The following TRIM47 variants were observed in gnomAD, a reference collection of about 807,000 sequenced individuals.
TRIM47 encodes the protein tripartite motif containing 47.
In TRIM47, 46 loss-of-function variants were observed where a neutral mutation model predicts 54.4. The observed-to-expected ratio is 0.84, with a 90% CI of 0.67 to 1.08. The LOEUF is 1.08. Among genes scored for constraint, TRIM47 ranks in the 50% least tolerant of loss-of-function variants. The probability of loss-of-function intolerance (pLI) is 0.00; values close to 1 mark genes in which losing one functional copy is unlikely to be tolerated. For synonymous variants in TRIM47, 392 were observed against 410.2 expected, an observed-to-expected ratio of 0.96 and a Z score of 0.54; for missense variants, 825 against 910.1, an observed-to-expected ratio of 0.91 and a Z score of 1.20.
In TRIM47 at chr17:75,875,067, C is replaced by T; in HGVS notation, c.1333G>A (p.Gly445Arg). 1 of 1,610,516 alleles carries T rather than the reference C, an allele frequency of 6.2e-7. No homozygotes were observed. The highest frequency in any genetic ancestry group is 1.3e-5 in the African/African-American group (1 of 74,944). ...AGCACCCTCTTGACACCTTTGGTTC[C>T]AAACAGCTGCAGGAACTTGTCTGCT... ...DTADKFLQLF[G>R]TKGVKRVLCP... Residue 445 changes from glycine (G) to arginine (R), a missense_variant, in exon 6 of 6, where the codon GGA becomes AGA. By Grantham distance (125) the Gly-to-Arg change is moderately radical. Coordinates refer to ENST00000254816, the MANE Select transcript of TRIM47 (RefSeq NM_033452.3). The surrounding 1 kb of genome is among the most constrained non-coding windows in gnomAD (Gnocchi z 6.1).
In TRIM47 at chr17:75,875,510, G is replaced by A. The variant is rs1426601624; in HGVS notation, c.1202-36C>T. 7 of 1,583,988 alleles carry A rather than the reference G, an allele frequency of 4.4e-6. No individual in the cohort carries two copies. The highest frequency in any genetic ancestry group is 1.7e-5 in the Admixed American group (1 of 59,884). ...GGAGACAGTGGTGAGAACGCCCCCA[G>A]ACTGCCCCCCTCTGAACCTGTGACT... On this transcript the variant is annotated intron_variant, in intron 4 of 5. Transcript: ENST00000254816. The surrounding 1 kb of genome is among the most constrained non-coding windows in gnomAD (Gnocchi z 6.1).
Position 75,875,378 on chromosome 17 carries a change from G to C in TRIM47, c.1276+22C>G. Reference sequence around the variant, plus strand: ...CCTGGGAGGGCCCAGTGTGAGTGGAGGGGGCACGGGCGTCCACTTACACTT... The same window carrying C: ...CCTGGGAGGGCCCAGTGTGAGTGGACGGGGCACGGGCGTCCACTTACACTT... On this transcript the variant is annotated intron_variant, in intron 5 of 5. Coordinates refer to ENST00000254816, the MANE Select transcript of TRIM47 (RefSeq NM_033452.3). This position sits in a 1 kb window ranked among gnomAD's most constrained non-coding sequence, Gnocchi z 6.1. 1 of 1,612,128 alleles carries C rather than the reference G, an allele frequency of 6.2e-7. No homozygotes were observed. The highest frequency in any genetic ancestry group is 8.5e-7 in the Non-Finnish European group (1 of 1,178,322).
At chr17:75,877,113 C>T (rs2065140377) in intron 1 of TRIM47, 2 of 406,462 alleles carry the variant, frequency 4.9e-6, no homozygotes, top group Admixed American at 7.2e-5. Context: ...AATTTGAGAA[C>T]TTCCTCCGGC....
rs751247026 is a variant in TRIM47 at position 75,876,065 on chromosome 17, C to A, written c.1037G>T (p.Gly346Val). 6.2e-7 allele frequency: 1 copy of A among 1,601,894 alleles called. No homozygotes were observed. The highest frequency in any genetic ancestry group is 1.1e-5 in the South Asian group (1 of 91,084). Residue 346 changes from glycine (G) to valine (V), a missense_variant, in exon 4 of 6, where the codon GGG (glycine) becomes GTG (valine). Gly to Val is a moderately radical substitution (Grantham distance 109, BLOSUM62 -3). Transcript: ENST00000254816. Reference protein sequence around the residue: ...LLALRLALEDGCGPGPGPPRE... With the variant: ...LLALRLALEDVCGPGPGPPRE... ...CGGGGGTCCAGGCCCAGGGCCACACCCATCCTCCAGGGCCAGCCTTAGTGC... is the reference window on the plus strand; with the variant it reads ...CGGGGGTCCAGGCCCAGGGCCACACACATCCTCCAGGGCCAGCCTTAGTGC...
Position 75,878,142 on chromosome 17 carries a change from G to A in TRIM47, c.407C>T (p.Ala136Val). 2.4e-6 allele frequency: 3 copies of A among 1,248,758 alleles called. No homozygotes were observed. The highest frequency in any genetic ancestry group is 3.0e-6 in the Non-Finnish European group (3 of 997,628). 77.4% of individuals were successfully genotyped at this position (1,248,758 alleles called of 1,614,324 possible). Residue 136 changes from alanine to valine, a missense_variant, in exon 1 of 6, where the codon GCG becomes GTG. Transcript: ENST00000254816. ...GCAGGACAGCGCGGCGGGCAGGGCC[G>A]CGCCCTCGGGGCACGCGTCGCAGCG... ...PVRCDACPEG[A>V]ALPAALSCLS... is the part of the protein sequence containing the mutation.
chr17:75,875,328 G>A lies in TRIM47; in HGVS notation c.1276+72C>T. The A allele has an allele frequency of 6.5e-7, 1 of 1,533,164 alleles. No homozygotes were observed. Among genetic ancestry groups the A allele is most frequent in the East Asian group, 2.3e-5 (1 of 44,422 alleles). The allele number at this position is 1,533,164 out of a possible 1,614,324, so 95.0% of individuals were successfully genotyped here. ...GGAATCCTAACCCTTGTGTGCCAGG[G>A]CCCTGCTGGGACCAGCCCAGCAGCC... On this transcript the variant is annotated intron_variant, in intron 5 of 5. Coordinates refer to ENST00000254816, the MANE Select transcript of TRIM47 (RefSeq NM_033452.3). The surrounding 1 kb of genome is among the most constrained non-coding windows in gnomAD (Gnocchi z 6.1).
At position 75,878,019 on chromosome 17, in the gene TRIM47, A is replaced by G. The variant is rs2065146008; in HGVS notation, c.530T>C (p.Leu177Pro). The G allele has an allele frequency of 2.8e-6, 4 of 1,441,976 alleles. No homozygotes were observed. Among genetic ancestry groups the G allele is most frequent in the Admixed American group, 5.3e-5 (2 of 38,002 alleles). The allele number at this position is 1,441,976 out of a possible 1,614,324, so 89.3% of individuals were successfully genotyped here. ...GHRLVPPLRRLEESLCPRHLR... is the reference protein window; with the variant it reads ...GHRLVPPLRRPEESLCPRHLR... Reference sequence around the variant, plus strand: ...GTGGCGCGGGCACAGGCTCTCCTCTAGCCGGCGCAGCGGCGGCACCAGGCG... The same window carrying G: ...GTGGCGCGGGCACAGGCTCTCCTCTGGCCGGCGCAGCGGCGGCACCAGGCG... Residue 177 changes from leucine (L) to proline (P), a missense_variant, in exon 1 of 6, where the codon CTA becomes CCA. Coordinates refer to ENST00000254816, the MANE Select transcript of TRIM47 (RefSeq NM_033452.3).
In TRIM47 at chr17:75,874,656, G is replaced by A. The variant is rs1050235749; in HGVS notation, c.1744C>T (p.Arg582Trp). The A allele has an allele frequency of 9.4e-6, 15 of 1,593,552 alleles. No homozygotes were observed. Among genetic ancestry groups the A allele is most frequent in the East Asian group, 2.2e-5 (1 of 44,486 alleles). The change falls in exon 6 of 6, where the codon CGG becomes TGG. Residue 582 changes from arginine to tryptophan, a missense_variant. Physicochemically the swap from Arg to Trp is moderately radical, Grantham distance 101 (BLOSUM62 -3). Transcript: ENST00000254816. This position sits in a 1 kb window ranked among gnomAD's most constrained non-coding sequence, Gnocchi z 6.2. ...LRRLKASRPR[R>W]GGIPASPIDP... is the part of the protein sequence containing the mutation. ...ATGGGGGAGGCCGGGATGCCACCCC[G>A]GCGGGGCCGGGAGGCCTTCAGCCTC...
chr17:75,875,988 T>G lies in TRIM47; in HGVS notation c.1114A>C (p.Met372Leu). 1 of 1,607,530 alleles carries G rather than the reference T, an allele frequency of 6.2e-7. No homozygotes were observed. Among genetic ancestry groups the G allele is most frequent in the Non-Finnish European group, 8.5e-7 (1 of 1,179,986 alleles). Residue 372 changes from methionine (M) to leucine (L), a missense_variant, in exon 4 of 6, where the codon ATG becomes CTG. By Grantham distance (15) the Met-to-Leu change is conservative (BLOSUM62 2). Transcript: ENST00000254816. This position sits in a 1 kb window ranked among gnomAD's most constrained non-coding sequence, Gnocchi z 6.1. ...SSQAVRAVRD[M>L]LAVACVNQWE... ...TGGTTGACGCAGGCCACGGCCAGCA[T>G]GTCTCTCACTGCACGGACAGCTTGG...
At chr17:75,876,166 G>A in intron 3 of TRIM47, 67 bp from the exon 4 acceptor site, 1 of 1,574,628 alleles carries the variant, frequency 6.4e-7, no homozygotes, top group Non-Finnish European at 8.6e-7. Flanking sequence ...GGTGGAGGCA[G>A]CTCTGCCAGG....
Position 75,876,348 on chromosome 17 carries a change from G to A in TRIM47, c.916C>T (p.Arg306Ter), listed in dbSNP as rs769937554. ...AGGCGGCTGCGCTGTTCCTCCTGTCGCCGCAGGTCACCCTGGGAGCGGCCT... is the reference window on the plus strand; with the variant it reads ...AGGCGGCTGCGCTGTTCCTCCTGTCACCGCAGGTCACCCTGGGAGCGGCCT... ...MLGRSQGDLRRQEEQRSRLSR... is the reference protein window; with the variant it reads ...MLGRSQGDLR The change falls in exon 3 of 6, where the codon CGA (arginine) becomes TGA (stop). Residue 306 changes from arginine (R) to a stop codon, truncating the protein, a stop_gained. Transcript: ENST00000254816. LOFTEE classifies it high-confidence loss of function. 3.7e-6 allele frequency: 6 copies of A among 1,611,680 alleles called. No homozygotes were observed. The highest frequency in any genetic ancestry group is 2.2e-5 in the East Asian group (1 of 44,892).
Position 75,877,899 on chromosome 17 carries a change from A to G in TRIM47, c.650T>C (p.Leu217Pro), listed in dbSNP as rs989130841. 7.1e-7 allele frequency: 1 copy of G among 1,415,260 alleles called. No individual in the cohort carries two copies. Among genetic ancestry groups the G allele is most frequent in the Admixed American group, 2.8e-5 (1 of 35,088 alleles). 87.7% of individuals were successfully genotyped at this position (1,415,260 alleles called of 1,614,324 possible). A position where few individuals can be genotyped will look rare whatever the true frequency, so the allele number is the denominator to read the frequency against. Residue 217 changes from leucine (L) to proline (P), a missense_variant, in exon 1 of 6, where the codon CTG becomes CCG. By Grantham distance (98) the Leu-to-Pro change is moderately conservative. Transcript: ENST00000254816. ...QEHRGHELVPLEQERALQEAE... is the reference protein window; with the variant it reads ...QEHRGHELVPPEQERALQEAE... The stretch of plus-strand genomic sequence containing the variant: ...CTCCTGAAGCGCGCGCTCCTGCTCC[A>G]GCGGCACCAGCTCGTGGCCGCGGTG...
Position 75,875,238 on chromosome 17 carries a change from C to G in TRIM47, c.1277-115G>C. On this transcript the variant is annotated intron_variant, in intron 5 of 5. Transcript: ENST00000254816. This position sits in a 1 kb window ranked among gnomAD's most constrained non-coding sequence, Gnocchi z 6.1. ...AGCCTCTCCCCTGCTTTCCAACCGG[C>G]ACAACCCAGCCCCGCCGGGGACCAC... 2 of 1,410,496 alleles carry G rather than the reference C, an allele frequency of 1.4e-6. No homozygotes were observed. Among genetic ancestry groups the G allele is most frequent in the South Asian group, 2.6e-5 (2 of 75,866 alleles). 87.4% of individuals were successfully genotyped at this position (1,410,496 alleles called of 1,614,324 possible).
Position 75,878,054 on chromosome 17 carries a change from G to A in TRIM47, c.495C>T (p.Leu165=). 1 of 1,398,402 alleles carries A rather than the reference G, an allele frequency of 7.2e-7. No individual in the cohort carries two copies. Among genetic ancestry groups the A allele is most frequent in the Non-Finnish European group, 9.3e-7 (1 of 1,080,084 alleles). The allele number at this position is 1,398,402 out of a possible 1,614,324, so 86.6% of individuals were successfully genotyped here. A position where few individuals can be genotyped will look rare whatever the true frequency, so the allele number is the denominator to read the frequency against. The change falls in exon 1 of 6, where the codon CTC becomes CTT. Residue 165 remains leucine, a synonymous_variant. Coordinates refer to ENST00000254816, the MANE Select transcript of TRIM47 (RefSeq NM_033452.3). ...GCGGCGGCACCAGGCGGTGTCCGCG[G>A]AGGGCGGGGCTGCGCTCGTGCGGGC... ...HLGPHERSPA[L]RGHRLVPPLR... is the part of the protein sequence containing the mutation.
intron 1 of TRIM47, 92 bp from the exon 2 acceptor site, chr17:75,876,905 G>A: frequency 8.1e-7 from 1 of 1,237,480 alleles, no homozygotes; most frequent in Non-Finnish European, 1.1e-6. Flanking sequence ...AGAAGGGGGT[G>A]ACTGGGGAGT....
rs1278290387 is a variant in TRIM47 at position 75,876,036 on chromosome 17, C to CCCT, written c.1063_1065dup (p.Arg355dup). The CCCT allele has an allele frequency of 6.2e-7, 1 of 1,603,340 alleles. No homozygotes were observed. Among genetic ancestry groups the CCCT allele is most frequent in the Non-Finnish European group, 8.5e-7 (1 of 1,179,966 alleles). ...TGGGATGATTTGGTGAAGCTGAGCT[C>CCCT]CCTCGGGGGTCCAGGCCCAGGGCCA... is the stretch of plus-strand genomic sequence containing the variant. On this transcript the variant is annotated inframe_insertion, in exon 4 of 6. Transcript: ENST00000254816.
Position 75,875,810 on chromosome 17 carries a change from T to C in TRIM47, c.1201+91A>G. The C allele has an allele frequency of 7.0e-7, 1 of 1,434,550 alleles. No homozygotes were observed. The highest frequency in any genetic ancestry group is 9.4e-7 in the Non-Finnish European group (1 of 1,064,960). 88.9% of individuals were successfully genotyped at this position (1,434,550 alleles called of 1,614,324 possible). ...CTCCCTGTGCCAGGCACAATTTTCC[T>C]CCTCCACTTCTGGATGGGCGCCAGG... On this transcript the variant is annotated intron_variant, in intron 4 of 5. Coordinates refer to ENST00000254816, the MANE Select transcript of TRIM47 (RefSeq NM_033452.3). The surrounding 1 kb of genome is among the most constrained non-coding windows in gnomAD (Gnocchi z 6.1).
chr17:75,877,931 T>C lies in TRIM47; in HGVS notation c.618A>G (p.Ala206=). 6.9e-7 allele frequency: 1 copy of C among 1,440,176 alleles called. No homozygotes were observed. The highest frequency in any genetic ancestry group is 1.4e-5 in the South Asian group (1 of 72,842). 89.2% of individuals were successfully genotyped at this position (1,440,176 alleles called of 1,614,324 possible). The change falls in exon 1 of 6, where the codon GCA becomes GCG. Residue 206 remains alanine (A), a synonymous_variant. Coordinates refer to ENST00000254816, the MANE Select transcript of TRIM47 (RefSeq NM_033452.3). ...CCAGCTCGTGGCCGCGGTGCTCCTGTGCGGCGCAGGCCTCGCACAGACACA... is the reference window on the plus strand; with the variant it reads ...CCAGCTCGTGGCCGCGGTGCTCCTGCGCGGCGCAGGCCTCGCACAGACACA... ...ERVCLCEACA[A]QEHRGHELVP...
At chr17:75,876,572 C>A in intron 2 of TRIM47, 80 bp from the exon 3 acceptor site, 1 of 1,504,928 alleles carries the variant, frequency 6.6e-7, no homozygotes, top group Non-Finnish European at 8.9e-7. Context: ...CTGACCCCGG[C>A]TTCCCACCGG....
Sources: allele counts gnomAD v4.1 joint callset, GRCh38; gene constraint gnomAD v4.1.1; non-coding constraint Gnocchi (gnomAD v3.1); transcripts MANE v1.5; gene names NCBI Gene and HGNC (gene_info 2026-07-23, HGNC 2026-07-21).